The following GALNTL6 variants were observed in gnomAD, a reference collection of about 807,000 sequenced individuals.
GALNTL6 encodes the protein polypeptide N-acetylgalactosaminyltransferase like 6, also known as polypeptide N-acetylgalactosaminyltransferase-like 6.
GALNTL6 carries 46 observed loss-of-function variants against 73.7 expected under a neutral mutation model. That is an observed-to-expected ratio of 0.62 (90% confidence interval 0.49 to 0.80). GALNTL6 has a LOEUF of 0.80. Ranked by LOEUF, GALNTL6 falls within the 30% of genes least tolerant of loss-of-function variation. The pLI is 0.00. For missense variants in GALNTL6, 604 were observed against 755.0 expected (o/e 0.80, Z 2.34); for synonymous variants, 259 against 263.7 (o/e 0.98, Z 0.17).
At chr4:172,864,428 A>G (rs925974631) in intron 7 of GALNTL6, among the ~76,000 whole-genome samples, 2 of 152,212 alleles carry the variant, frequency 1.3e-5, no homozygotes, top group African/African-American at 2.4e-5. Context: ...AAACCCTAAG[A>G]AAGAAGAAAT....
intron 5 of GALNTL6, among the ~76,000 whole-genome samples, chr4:172,428,841 C>A (rs1449767730): frequency 1.3e-5 from 2 of 152,146 alleles, no homozygotes; most frequent in African/African-American, 2.4e-5. Context: ...AATAGATCAT[C>A]AGCTGTCAGA....
chr4:172,380,168 C>T (rs1363536788), intron 5 of GALNTL6: 13 of 1,035,166 alleles, frequency 1.3e-5, no homozygotes, highest in African/African-American at 1.2e-4. Flanking sequence ...GGCCTGGATC[C>T]GTAGCAGAAC....
chr4:172,398,314 A>G (rs974841192), intron 5 of GALNTL6, among the ~76,000 whole-genome samples: 13 of 152,224 alleles, frequency 8.5e-5, no homozygotes, highest in Non-Finnish European at 1.8e-4. Flanking sequence ...ATGAGCTGTC[A>G]AAATAAGAAG....
intron 5 of GALNTL6, among the ~76,000 whole-genome samples, chr4:172,686,130 C>G (rs946231691): frequency 6.6e-6 from 1 of 152,182 alleles, no homozygotes; most frequent in Admixed American, 6.5e-5. Context: ...ATGCAGAAAG[C>G]TTAGGGGAAT....
At chr4:171,966,064 T>C (rs1361431392) in intron 2 of GALNTL6, among the ~76,000 whole-genome samples, 1 of 152,176 alleles carries the variant, frequency 6.6e-6, no homozygotes, top group African/African-American at 2.4e-5. Flanking sequence ...CTATGACAGA[T>C]TTCTTTTTTA....
At chr4:172,612,155 T>C (rs1272676911) in intron 5 of GALNTL6, among the ~76,000 whole-genome samples, 1 of 152,062 alleles carries the variant, frequency 6.6e-6, no homozygotes, top group African/African-American at 2.4e-5. Flanking sequence ...GGTGATGTTA[T>C]GGGAAGATAG....
intron 2 of GALNTL6, among the ~76,000 whole-genome samples, chr4:172,089,386 AG>A (rs1202756551): frequency 6.6e-6 from 1 of 152,178 alleles, no homozygotes; most frequent in Admixed American, 6.5e-5. Context: ...CTAGCACAGA[AG>A]TGGTCCATGC....
At chr4:171,978,882 C>G (rs1362257459) in intron 2 of GALNTL6, among the ~76,000 whole-genome samples, 1 of 151,956 alleles carries the variant, frequency 6.6e-6, no homozygotes, top group African/African-American at 2.4e-5. Context: ...TGATTTATAT[C>G]TACATATACA....
intron 2 of GALNTL6, among the ~76,000 whole-genome samples, chr4:172,087,444 CAAAAAAAA>C (rs70941381): frequency 9.9e-6 from 1 of 100,572 alleles, no homozygotes; most frequent in Non-Finnish European, 2.0e-5. Flanking sequence ...GACTCCATCC[CAAAAAAAA>C]AAAAAACAAA....
intron 4 of GALNTL6, among the ~76,000 whole-genome samples, chr4:172,320,155 T>G (rs1740707346): frequency 6.6e-6 from 1 of 152,102 alleles, no homozygotes; most frequent in African/African-American, 2.4e-5. Flanking sequence ...CCACCACACA[T>G]GAAACAGAGG....
At chr4:172,574,743 T>C (rs1164038565) in intron 5 of GALNTL6, among the ~76,000 whole-genome samples, 1 of 152,182 alleles carries the variant, frequency 6.6e-6, no homozygotes, top group East Asian at 1.9e-4. Context: ...AACACAGATA[T>C]AAATTATAGC....
chr4:172,215,249 A>G (rs898401763), intron 2 of GALNTL6, among the ~76,000 whole-genome samples: 4 of 152,186 alleles, frequency 2.6e-5, no homozygotes, highest in Non-Finnish European at 5.9e-5. Flanking sequence ...TATTCTAAAA[A>G]TATCAATTAA....
chr4:173,016,825 G>A (rs1183480706), intron 11 of GALNTL6, among the ~76,000 whole-genome samples: 1 of 152,136 alleles, frequency 6.6e-6, no homozygotes, highest in Non-Finnish European at 1.5e-5. Flanking sequence ...AGGGGCCAGG[G>A]GCAGAATGAT....
chr4:172,073,687 C>A (rs1731621583), intron 2 of GALNTL6, among the ~76,000 whole-genome samples: 1 of 152,188 alleles, frequency 6.6e-6, no homozygotes, highest in Non-Finnish European at 1.5e-5. Flanking sequence ...AATTAAGGAA[C>A]TAAAACTTAA....
intron 2 of GALNTL6, among the ~76,000 whole-genome samples, chr4:171,988,863 T>C (rs935602891): frequency 3.9e-5 from 6 of 152,012 alleles, no homozygotes; most frequent in Non-Finnish European, 7.4e-5. Context: ...AGAGGTGTCT[T>C]ATACTTGTGG....
At chr4:171,898,133 C>G (rs1227063654) in intron 2 of GALNTL6, among the ~76,000 whole-genome samples, 2 of 151,788 alleles carry the variant, frequency 1.3e-5, no homozygotes, top group Non-Finnish European at 2.9e-5. Flanking sequence ...AGCTGCTTAC[C>G]ATCACTATTC....
chr4:172,780,877 A>T (rs918407830), intron 5 of GALNTL6, among the ~76,000 whole-genome samples: 1 of 152,212 alleles, frequency 6.6e-6, no homozygotes, highest in Non-Finnish European at 1.5e-5. Flanking sequence ...TGGGCTGTGC[A>T]TATCAGAGCT....
intron 5 of GALNTL6, among the ~76,000 whole-genome samples, chr4:172,716,103 C>A (rs1411342935): frequency 6.2e-5 from 3 of 48,394 alleles, no homozygotes; most frequent in Non-Finnish European, 9.6e-5. Context: ...ATTTGGCAAA[C>A]TCTAGAGATT....
intron 2 of GALNTL6, among the ~76,000 whole-genome samples, chr4:172,125,239 A>G (rs1006974040): frequency 6.6e-6 from 1 of 152,170 alleles, no homozygotes; most frequent in Non-Finnish European, 1.5e-5. Flanking sequence ...TCAAGAAATG[A>G]AATAATCTAA....
Sources: gnomAD v4.1 joint callset for allele counts (sites outside exome capture counted in the v4.1 genomes callset) on GRCh38, gnomAD v4.1.1 for gene constraint, MANE v1.5 for transcripts, NCBI Gene and HGNC (gene_info 2026-07-23, HGNC 2026-07-21) for gene names.